CTNND2: variants seen among roughly 807,000 people sequenced by gnomAD.
The protein encoded by CTNND2 is catenin delta-2.
CTNND2 carries 22 observed loss-of-function variants against 144.4 expected under a neutral mutation model. The ratio of observed to expected loss-of-function variants is 0.15; its 90% CI spans 0.11 to 0.22. The LOEUF is 0.22. Ranked by LOEUF, CTNND2 falls within the 10% of genes least tolerant of loss-of-function variation. The probability of loss-of-function intolerance (pLI) is 1.00; values close to 1 mark genes in which losing one functional copy is unlikely to be tolerated. For missense variants in CTNND2, 1,353 were observed against 1,618.8 expected, an observed-to-expected ratio of 0.84 and a Z score of 2.82; for synonymous variants, 751 against 695.6, an observed-to-expected ratio of 1.08 and a Z score of -1.25.
chr5:11,459,753 A>G (rs1275517518), intron 3 of CTNND2, among the ~76,000 whole-genome samples: 1 of 152,224 alleles, frequency 6.6e-6, no homozygotes, highest in African/African-American at 2.4e-5. Context: ...TCTACATGGA[A>G]GGAGTTGTGG....
intron 9 of CTNND2, among the ~76,000 whole-genome samples, chr5:11,340,724 G>A (rs1454758289): frequency 6.6e-6 from 1 of 152,164 alleles, no homozygotes; most frequent in Non-Finnish European, 1.5e-5. Context: ...CATTTTGTTT[G>A]ATTCTACAGC....
intron 16 of CTNND2, among the ~76,000 whole-genome samples, chr5:11,071,319 C>G (rs770455370): frequency 6.6e-6 from 1 of 152,102 alleles, no homozygotes; most frequent in African/African-American, 2.4e-5. Flanking sequence ...GGGCAGATGG[C>G]TTAAGGCCGG....
At chr5:11,824,012 G>A (rs1159617806) in intron 1 of CTNND2, among the ~76,000 whole-genome samples, 5 of 149,922 alleles carry the variant, frequency 3.3e-5, no homozygotes, top group Non-Finnish European at 3.0e-5. Flanking sequence ...AGGAGGTAGG[G>A]GAATCGCTTG....
intron 1 of CTNND2, among the ~76,000 whole-genome samples, chr5:11,737,237 T>C (rs747762479): frequency 6.6e-6 from 1 of 152,184 alleles, no homozygotes; most frequent in African/African-American, 2.4e-5. Context: ...GGATCTCCAT[T>C]ATCCTCTCAG....
chr5:11,713,989 C>G (rs1039899227), intron 2 of CTNND2, among the ~76,000 whole-genome samples: 49 of 152,262 alleles, frequency 3.2e-4, no homozygotes, highest in African/African-American at 1.1e-3. Flanking sequence ...CTAACAAGAC[C>G]GTAGCCTCGA....
chr5:11,482,832 G>T (rs115751274), intron 3 of CTNND2, among the ~76,000 whole-genome samples: 6 of 152,118 alleles, frequency 3.9e-5, no homozygotes, highest in Non-Finnish European at 8.8e-5. Flanking sequence ...GGAGACCAAG[G>T]GGCTGGTGCA....
chr5:11,264,058 T>C (rs994776886), intron 9 of CTNND2, among the ~76,000 whole-genome samples: 4 of 152,234 alleles, frequency 2.6e-5, no homozygotes, highest in Non-Finnish European at 4.4e-5. Context: ...GCTAAGAGCA[T>C]TCTGATAAGT....
intron 13 of CTNND2, among the ~76,000 whole-genome samples, chr5:11,113,644 AGCTG>A (rs1753247993): frequency 6.6e-6 from 1 of 152,202 alleles, no homozygotes; most frequent in Non-Finnish European, 1.5e-5. Flanking sequence ...AATCTTACCA[AGCTG>A]GCTATCATTT....
chr5:11,276,878 A>C (rs1746591363), intron 9 of CTNND2, among the ~76,000 whole-genome samples: 1 of 152,192 alleles, frequency 6.6e-6, no homozygotes, highest in African/African-American at 2.4e-5. Flanking sequence ...GCCAGGGGCC[A>C]CTGGAAACTA....
chr5:11,568,878 C>A (rs1185481898), intron 2 of CTNND2, among the ~76,000 whole-genome samples: 1 of 152,140 alleles, frequency 6.6e-6, no homozygotes, highest in Non-Finnish European at 1.5e-5. Flanking sequence ...AAGAAGTTAA[C>A]TGGAAAATTA....
chr5:11,542,204 C>T (rs1350055857), intron 3 of CTNND2, among the ~76,000 whole-genome samples: 1 of 152,104 alleles, frequency 6.6e-6, no homozygotes, highest in African/African-American at 2.4e-5. Flanking sequence ...ACCCGGATCC[C>T]TGCATCATGC....
chr5:11,041,402 T>C (rs1005623635), intron 16 of CTNND2, among the ~76,000 whole-genome samples: 1 of 152,202 alleles, frequency 6.6e-6, no homozygotes, highest in Non-Finnish European at 1.5e-5. Flanking sequence ...TTAAATGGTA[T>C]GGGAAAGGTC....
chr5:11,351,981 G>T (rs1228119281), intron 8 of CTNND2, among the ~76,000 whole-genome samples: 2 of 152,092 alleles, frequency 1.3e-5, no homozygotes, highest in African/African-American at 4.8e-5. Flanking sequence ...ACCCAATCTG[G>T]CATATATCCA....
chr5:11,571,340 G>C (rs1422957566), intron 2 of CTNND2, among the ~76,000 whole-genome samples: 2 of 152,132 alleles, frequency 1.3e-5, no homozygotes, highest in Non-Finnish European at 1.5e-5. Context: ...GAACCACTGT[G>C]TGCAGAACAT....
chr5:11,787,322 G>A (rs1790888521), intron 1 of CTNND2, among the ~76,000 whole-genome samples: 1 of 152,120 alleles, frequency 6.6e-6, no homozygotes, highest in African/African-American at 2.4e-5. Flanking sequence ...TAACAACTCG[G>A]CAAGATTTGA....
At chr5:11,208,379 G>C (rs1168114613) in intron 10 of CTNND2, among the ~76,000 whole-genome samples, 2 of 151,422 alleles carry the variant, frequency 1.3e-5, no homozygotes, top group Admixed American at 1.3e-4. Flanking sequence ...AATGAACATA[G>C]GAAAAAAATC....
intron 9 of CTNND2, among the ~76,000 whole-genome samples, chr5:11,344,976 C>A (rs544721058): frequency 2.4e-4 from 36 of 152,084 alleles, no homozygotes; most frequent in Non-Finnish European, 4.4e-4. Context: ...GTATTTCCAT[C>A]AGAGATAAAA....
At chr5:11,745,161 G>T (rs1788240433) in intron 1 of CTNND2, among the ~76,000 whole-genome samples, 5 of 152,106 alleles carry the variant, frequency 3.3e-5, no homozygotes, top group African/African-American at 1.2e-4. Flanking sequence ...AATAAACATT[G>T]TATTTATGGA....
intron 1 of CTNND2, among the ~76,000 whole-genome samples, chr5:11,872,886 C>T (rs1735264791): frequency 6.6e-6 from 1 of 152,124 alleles, no homozygotes; most frequent in Non-Finnish European, 1.5e-5. Flanking sequence ...ATACTAAAAC[C>T]ATAAAAACCC....
Sources: allele counts gnomAD v4.1 joint callset (sites outside exome capture counted in the v4.1 genomes callset), GRCh38; gene constraint gnomAD v4.1.1; transcripts MANE v1.5; gene names NCBI Gene and HGNC (gene_info 2026-07-23, HGNC 2026-07-21).